CYP7B1: variants seen among roughly 807,000 people sequenced by gnomAD.
The protein encoded by CYP7B1 is cytochrome P450 family 7 subfamily B member 1, also known as cytochrome P450 7B1.
Under a neutral mutation model 42.7 loss-of-function variants are expected in CYP7B1, and 29 were observed. That is an observed-to-expected ratio of 0.68 (90% CI 0.51 to 0.93). CYP7B1 has a LOEUF of 0.93. CYP7B1 is among the 40% of genes least tolerant of loss of function. CYP7B1 has a pLI of 0.00. For synonymous variants in CYP7B1, 235 were observed against 218.2 expected (o/e 1.08, Z -0.68); for missense variants, 655 against 600.5 (o/e 1.09, Z -0.95).
intron 5 of CYP7B1, among the ~76,000 whole-genome samples, chr8:64,601,070 G>A (rs574665505): frequency 3.3e-5 from 5 of 152,164 alleles, no homozygotes; most frequent in Non-Finnish European, 7.4e-5. Context: ...AAATTATTGA[G>A]AGTACTTCTT....
chr8:64,615,534 T>C (rs4543580), intron 3 of CYP7B1, among the ~76,000 whole-genome samples, 157 bp downstream of exon 3: 4 of 149,408 alleles, frequency 2.7e-5, no homozygotes, highest in Non-Finnish European at 4.4e-5. Context: ...AAAAAAAAAA[T>C]ATCAATTATA....
intron 1 of CYP7B1, among the ~76,000 whole-genome samples, 200 bp downstream of exon 1, chr8:64,798,266 C>T (rs1409213083): frequency 6.6e-6 from 1 of 152,244 alleles, no homozygotes; most frequent in Non-Finnish European, 1.5e-5. Context: ...GGTCCCAAAG[C>T]TTTAATATGT....
At chr8:64,766,016 G>T (rs1807968240) in intron 1 of CYP7B1, among the ~76,000 whole-genome samples, 1 of 152,168 alleles carries the variant, frequency 6.6e-6, no homozygotes, top group African/African-American at 2.4e-5. Flanking sequence ...TGCCATAACT[G>T]CAGCCTGAGA....
chr8:64,796,659 T>C (rs962838410), intron 1 of CYP7B1, among the ~76,000 whole-genome samples: 1 of 152,172 alleles, frequency 6.6e-6, no homozygotes, highest in Non-Finnish European at 1.5e-5. Flanking sequence ...TGTGTGTGTG[T>C]TTTTGTGTAT....
chr8:64,754,918 T>G (rs1291868918), intron 1 of CYP7B1, among the ~76,000 whole-genome samples: 1 of 152,166 alleles, frequency 6.6e-6, no homozygotes, highest in African/African-American at 2.4e-5. Flanking sequence ...TGAAAGATCT[T>G]GAAGATCTTA....
chr8:64,779,171 A>G (rs916468773), intron 1 of CYP7B1, among the ~76,000 whole-genome samples: 3 of 152,092 alleles, frequency 2.0e-5, no homozygotes. Context: ...AGAGAGATTT[A>G]AAAAGAATAC....
intron 1 of CYP7B1, among the ~76,000 whole-genome samples, chr8:64,785,035 T>C (rs185558351): frequency 1.3e-5 from 2 of 152,312 alleles, no homozygotes; most frequent in Admixed American, 1.3e-4. Context: ...CCTAATTTTT[T>C]TAAATAGGCA....
Position 64,780,142 on chromosome 8 carries a change from G to A in CYP7B1, c.122+18324C>T, listed in dbSNP as rs143322756. Among the ~76,000 whole-genome samples, 232 of 152,186 alleles carry A rather than the reference G, an allele frequency of 1.5e-3. 1 individual carries two copies. Among genetic ancestry groups the A allele is most frequent in the African/African-American group, 5.2e-3 (215 of 41,546 alleles). On this transcript the variant is annotated intron_variant, in intron 1 of 5. Transcript: ENST00000310193. The stretch of plus-strand genomic sequence containing the variant: ...GAAATCTTCAGTTTTTAATGGAACT[G>A]CAGAAAATGTGGTTTTATGACATTA...
chr8:64,675,490 T>C (rs1806432573), intron 1 of CYP7B1, among the ~76,000 whole-genome samples: 1 of 151,012 alleles, frequency 6.6e-6, no homozygotes, highest in African/African-American at 2.4e-5. Context: ...ATATTACTTA[T>C]TAAGTATTTT....
At chr8:64,794,109 C>G (rs1194656034) in intron 1 of CYP7B1, among the ~76,000 whole-genome samples, 1 of 152,166 alleles carries the variant, frequency 6.6e-6, no homozygotes, top group Non-Finnish European at 1.5e-5. Flanking sequence ...GCAGCTGGAA[C>G]TCAAGGAAAA....
In CYP7B1 at chr8:64,596,682, G is replaced by T. The variant is rs1394882103; in HGVS notation, c.1481C>A (p.Pro494Gln). 1 of 1,613,288 alleles carries T rather than the reference G, an allele frequency of 6.2e-7. No homozygotes were observed. Among genetic ancestry groups the T allele is most frequent in the Non-Finnish European group, 8.5e-7 (1 of 1,179,664 alleles). Residue 494 changes from proline (P) to glutamine (Q), a missense_variant, in exon 6 of 6, where the codon CCA becomes CAA. Physicochemically the swap from Pro to Gln is moderately conservative, Grantham distance 76. Coordinates refer to ENST00000310193, the MANE Select transcript of CYP7B1 (RefSeq NM_004820.5). ...YSRLLFGIQY[P>Q]DSDVLFRYKV... The stretch of plus-strand genomic sequence containing the variant: ...GTATCTAAATAAAACATCAGAATCT[G>T]GATACTGAATACCAAACAACAAGCG...
intron 1 of CYP7B1, among the ~76,000 whole-genome samples, chr8:64,720,457 T>G (rs951540971): frequency 1.3e-5 from 2 of 152,166 alleles, no homozygotes; most frequent in Non-Finnish European, 2.9e-5. Flanking sequence ...ATAATAATAC[T>G]CTGAGCTTTA....
At chr8:64,654,805 T>C (rs1806096926) in intron 1 of CYP7B1, among the ~76,000 whole-genome samples, 1 of 152,112 alleles carries the variant, frequency 6.6e-6, no homozygotes, top group African/African-American at 2.4e-5. Context: ...AACAGTAAGG[T>C]ACTGGTACAA....
chr8:64,791,786 T>G (rs1191217971), intron 1 of CYP7B1, among the ~76,000 whole-genome samples: 1 of 152,214 alleles, frequency 6.6e-6, no homozygotes, highest in African/African-American at 2.4e-5. Flanking sequence ...AGTGTGCTGC[T>G]GTAACAAATA....
intron 1 of CYP7B1, among the ~76,000 whole-genome samples, chr8:64,689,446 A>G (rs1391371594): frequency 1.3e-5 from 2 of 152,196 alleles, no homozygotes; most frequent in Admixed American, 1.3e-4. Context: ...TCAAAGCACA[A>G]CACATTCCTT....
At chr8:64,743,873 G>GA (rs1271810516) in intron 1 of CYP7B1, among the ~76,000 whole-genome samples, 2 of 151,988 alleles carry the variant, frequency 1.3e-5, no homozygotes, top group Non-Finnish European at 2.9e-5. Context: ...TCCATATAAA[G>GA]AAATTTAACA....
At chr8:64,633,907 C>T (rs1228702328) in intron 1 of CYP7B1, among the ~76,000 whole-genome samples, 1 of 152,078 alleles carries the variant, frequency 6.6e-6, no homozygotes, top group Non-Finnish European at 1.5e-5. Context: ...AATAGACAAA[C>T]ATATTAATGG....
rs1027197848 is a variant in CYP7B1, at chr8:64,779,825, G to A, written c.122+18641C>T. 5.3e-5 allele frequency among the ~76,000 whole-genome samples: 8 copies of A among 152,092 alleles called. 1 individual carries two copies. The highest frequency in any genetic ancestry group is 1.9e-4 in the East Asian group (1 of 5,196). On this transcript the variant is annotated intron_variant, in intron 1 of 5. Coordinates refer to ENST00000310193, the MANE Select transcript of CYP7B1 (RefSeq NM_004820.5). The stretch of plus-strand genomic sequence containing the variant: ...TTCTATGTGATTACCAAAAACAGGC[G>A]CAGCCCTTTCACAAAGGAGTTCCCA...
chr8:64,705,912 A>C (rs1806992102), intron 1 of CYP7B1, among the ~76,000 whole-genome samples: 1 of 152,082 alleles, frequency 6.6e-6, no homozygotes, highest in Non-Finnish European at 1.5e-5. Flanking sequence ...TGAGAACAAT[A>C]AAATTCAGAA....
Sources: gnomAD v4.1 joint callset for allele counts (sites outside exome capture counted in the v4.1 genomes callset) on GRCh38, gnomAD v4.1.1 for gene constraint, MANE v1.5 for transcripts, NCBI Gene and HGNC (gene_info 2026-07-23, HGNC 2026-07-21) for gene names.